The following ANKRD28 variants were observed in gnomAD, a reference collection of about 807,000 sequenced individuals.
The protein encoded by ANKRD28 is serine/threonine-protein phosphatase 6 regulatory ankyrin repeat subunit A.
Under a neutral mutation model 126.5 loss-of-function variants are expected in ANKRD28, and 44 were observed. The ratio of observed to expected loss-of-function variants is 0.35; its 90% confidence interval spans 0.27 to 0.45. The LOEUF is 0.45. ANKRD28 is among the 20% of genes least tolerant of loss of function. The probability of loss-of-function intolerance (pLI) is 1.00; values close to 1 mark genes in which losing one functional copy is unlikely to be tolerated. For missense variants in ANKRD28, 1,110 were observed against 1,316.6 expected (o/e 0.84, Z 2.43); for synonymous variants, 442 against 468.5 (o/e 0.94, Z 0.73).
intron 2 of ANKRD28, among the ~76,000 whole-genome samples, chr3:15,770,058 T>C (rs1403973064): frequency 1.3e-5 from 2 of 151,720 alleles, no homozygotes; most frequent in Non-Finnish European, 2.9e-5. Context: ...AAAAAAGTTA[T>C]GTACCTTATA....
intron 9 of ANKRD28, 27 bp downstream of exon 9, chr3:15,714,551 C>T (rs2345678): frequency 2.2e-5 from 25 of 1,120,068 alleles, no homozygotes; most frequent in Non-Finnish European, 3.0e-5. Context: ...AAAAAAACCC[C>T]AAAAAAAAAA....
intron 8 of ANKRD28, among the ~76,000 whole-genome samples, 178 bp from the exon 9 acceptor site, chr3:15,714,834 C>T (rs537100543): frequency 1.1e-4 from 17 of 152,162 alleles, no homozygotes; most frequent in African/African-American, 2.4e-4. Flanking sequence ...TTTTTTAGCA[C>T]GTGTATCATA....
chr3:15,840,439 T>C (rs989640057), intron 1 of ANKRD28, among the ~76,000 whole-genome samples: 3 of 152,144 alleles, frequency 2.0e-5, no homozygotes, highest in African/African-American at 7.2e-5. Context: ...GAAGAATCAA[T>C]ATCATTAAAA....
rs1182696188 is a variant in ANKRD28, at chr3:15,838,804, A to G, written c.27+20573T>C. On this transcript the variant is annotated intron_variant, in intron 1 of 27. Transcript: ENST00000399451. The surrounding 1 kb of genome is among the most constrained non-coding windows in gnomAD (Gnocchi z 4.0). ...TTAAAACGTGTCCATACACAGACTC[A>G]TACATGAATATTCATAGCAGTATTA... Among the ~76,000 whole-genome samples, 1 of 152,222 alleles carries G rather than the reference A, an allele frequency of 6.6e-6. No homozygotes were observed. The highest frequency in any genetic ancestry group is 1.5e-5 in the Non-Finnish European group (1 of 68,040).
At chr3:15,827,761 T>A (rs974458673) in intron 1 of ANKRD28, among the ~76,000 whole-genome samples, 1 of 152,182 alleles carries the variant, frequency 6.6e-6, no homozygotes, top group African/African-American at 2.4e-5. Flanking sequence ...AGTTTAAAAC[T>A]TTTATGCAGA....
rs373850382 is a variant in ANKRD28 at position 15,717,699 on chromosome 3, T to G, written c.997-3043A>C. Among the ~76,000 whole-genome samples, 21 of 152,320 alleles carry G rather than the reference T, an allele frequency of 1.4e-4. No individual in the cohort carries two copies. In the South Asian group the frequency reaches 3.7e-3, roughly 27 times the overall value. On this transcript the variant is annotated intron_variant, in intron 8 of 27. Coordinates refer to ENST00000683139, the MANE Select transcript of ANKRD28 (RefSeq NM_001349278.2). ...ATTTTGCTTAGCTGACCAAAATCTA[T>G]TCTTAAAGAACAATGTGGGTGGGAA...
At chr3:15,676,622 C>G (rs562942044) in intron 26 of ANKRD28, 2 of 194,494 alleles carry the variant, frequency 1.0e-5, no homozygotes, top group Non-Finnish European at 2.1e-5. Context: ...TACAGACACA[C>G]ATAAAGCTTC....
At chr3:15,695,403 T>G (rs1473155219) in intron 15 of ANKRD28, among the ~76,000 whole-genome samples, 189 bp from the exon 16 acceptor site, 1 of 152,094 alleles carries the variant, frequency 6.6e-6, no homozygotes, top group Non-Finnish European at 1.5e-5. Flanking sequence ...AGGTCTAAAA[T>G]TTTGGTGTGA....
intron 1 of ANKRD28, among the ~76,000 whole-genome samples, chr3:15,827,589 T>C (rs926620030): frequency 5.9e-5 from 9 of 152,148 alleles, no homozygotes; most frequent in Non-Finnish European, 8.8e-5. Context: ...TTTGCCCCCA[T>C]TGAATGGCCC....
In ANKRD28 at chr3:15,732,736, G is replaced by A. The variant is rs1350350625; in HGVS notation, c.640+2674C>T. The A allele has an allele frequency of 1.3e-5, 2 of 152,202 alleles. 1 individual carries two copies. The highest frequency in any genetic ancestry group is 2.9e-5 in the Non-Finnish European group (2 of 68,038). The allele number at this position is 152,202 out of a possible 1,614,324, so 9.4% of individuals were successfully genotyped here. ...AGGCATTGGATTCTCGATGAAGCCA[G>A]GAAAATTCTGTTGAAAACGTCTGGA... On this transcript the variant is annotated intron_variant, in intron 6 of 27. Coordinates refer to ENST00000683139, the MANE Select transcript of ANKRD28 (RefSeq NM_001349278.2).
intron 21 of ANKRD28, among the ~76,000 whole-genome samples, chr3:15,683,258 AG>A (rs1391935869): frequency 6.6e-6 from 1 of 152,344 alleles, no homozygotes; most frequent in East Asian, 1.9e-4. Context: ...ACTTTTTTAC[AG>A]AAACACAACT....
chr3:15,747,097 A>C (rs1158035454), intron 4 of ANKRD28, among the ~76,000 whole-genome samples: 2 of 149,910 alleles, frequency 1.3e-5, no homozygotes, highest in Non-Finnish European at 3.0e-5. Context: ...TTCTTGGTTA[A>C]TCTTGCTAAT....
chr3:15,707,876 C>A, intron 14 of ANKRD28, 48 bp downstream of exon 14: 4 of 1,570,096 alleles, frequency 2.5e-6, no homozygotes, highest in East Asian at 2.3e-5. Context: ...TGGAAGATGC[C>A]AGTTTATAGA....
intron 6 of ANKRD28, among the ~76,000 whole-genome samples, chr3:15,727,839 G>GAGTAA: frequency 6.6e-6 from 1 of 152,306 alleles, no homozygotes; most frequent in East Asian, 1.9e-4. Context: ...TCTTATGGAT[G>GAGTAA]AGTAAAGACA....
intron 4 of ANKRD28, among the ~76,000 whole-genome samples, chr3:15,741,543 T>G (rs1230752644): frequency 1.3e-5 from 2 of 152,104 alleles, no homozygotes; most frequent in African/African-American, 2.4e-5. Flanking sequence ...TTTTAAAAGC[T>G]AAGTAAACAT....
chr3:15,731,615 C>T (rs891568606), intron 6 of ANKRD28, among the ~76,000 whole-genome samples: 1 of 152,066 alleles, frequency 6.6e-6, no homozygotes, highest in Non-Finnish European at 1.5e-5. Context: ...ACCAAGCTTT[C>T]AGCTTTAAAA....
At chr3:15,802,267 A>C (rs1331764705), upstream of ANKRD28, among the ~76,000 whole-genome samples, 1 of 152,208 alleles carries the variant, frequency 6.6e-6, no homozygotes, top group Non-Finnish European at 1.5e-5. Flanking sequence ...TAAACCAAAC[A>C]AGGACCATAG....
intron 2 of ANKRD28, among the ~76,000 whole-genome samples, chr3:15,785,492 C>G (rs183272370): frequency 1.2e-3 from 179 of 152,100 alleles, no homozygotes; most frequent in African/African-American, 4.2e-3. Context: ...CAGGGAATTG[C>G]AAATCAAAAC....
At chr3:15,803,629 AAAG>A (rs1233126164) in intron 1 of ANKRD28, among the ~76,000 whole-genome samples, 1 of 151,768 alleles carries the variant, frequency 6.6e-6, no homozygotes, top group East Asian at 1.9e-4. Context: ...AAAAAAAAAA[AAAG>A]AAATATATTT....
Sources: allele counts gnomAD v4.1 joint callset (sites outside exome capture counted in the v4.1 genomes callset), GRCh38; gene constraint gnomAD v4.1.1; non-coding constraint Gnocchi (gnomAD v3.1); transcripts MANE v1.5; gene names NCBI Gene and HGNC (gene_info 2026-07-23, HGNC 2026-07-21).